Variants in PDZD2 observed in about 807,000 individuals in gnomAD.
PDZD2 encodes the protein PDZ domain-containing protein 2.
Under a neutral mutation model 220.7 loss-of-function variants are expected in PDZD2, and 90 were observed. The ratio of observed to expected loss-of-function variants is 0.41; its 90% CI spans 0.34 to 0.49. The LOEUF is 0.49. Ranked by LOEUF, PDZD2 falls within the 20% of genes least tolerant of loss-of-function variation. The pLI is 0.28. For missense variants in PDZD2, 3,174 were observed against 3,608.5 expected (o/e 0.88, Z 3.08); for synonymous variants, 1,375 against 1,450.5 (o/e 0.95, Z 1.18).
intron 1 of PDZD2, chr5:31,744,040 T>C (rs1469244040): frequency 6.6e-6 from 1 of 152,236 alleles, no homozygotes; most frequent in African/African-American, 2.4e-5. Context: ...TTCTTACTAA[T>C]GTGGTAAGAG....
intron 1 of PDZD2, chr5:31,725,960 A>G (rs1337915058): frequency 1.2e-5 from 7 of 605,650 alleles, no homozygotes; most frequent in South Asian, 1.1e-4. Flanking sequence ...TGCGTAACAG[A>G]TGATGAAATA....
At chr5:31,954,996 T>C (rs150987059) in intron 2 of PDZD2, among the ~76,000 whole-genome samples, 2 of 151,924 alleles carry the variant, frequency 1.3e-5, no homozygotes, top group Non-Finnish European at 2.9e-5. Context: ...CCAAATTGAG[T>C]GTAATCATAT....
intron 1 of PDZD2, among the ~76,000 whole-genome samples, chr5:31,643,200 T>G (rs752063894): frequency 6.6e-6 from 1 of 152,126 alleles, no homozygotes; most frequent in Non-Finnish European, 1.5e-5. Context: ...CTCACCAAAG[T>G]CAGTGAGAGC....
chr5:31,766,639 G>A (rs530594810), intron 1 of PDZD2, among the ~76,000 whole-genome samples: 3 of 152,204 alleles, frequency 2.0e-5, no homozygotes, highest in South Asian at 4.2e-4. Context: ...ACATCTGCCC[G>A]CCTCAGCCTC....
In PDZD2 at chr5:32,019,845, G is replaced by A. The variant is rs546451872; in HGVS notation, c.1407+9363G>A. 4.6e-5 allele frequency among the ~76,000 whole-genome samples: 7 copies of A among 152,210 alleles called. No homozygotes were observed. In the South Asian group the frequency reaches 1.5e-3, roughly 32 times the overall value. ...TATGAACATAATATGTAGAAGTCAT[G>A]TAATGACTTTCTCACGGGAGGTAAG... is the stretch of plus-strand genomic sequence containing the variant. On this transcript the variant is annotated intron_variant, in intron 6 of 24. Transcript: ENST00000438447.
rs1047962467 is a variant in PDZD2 at position 32,000,915 on chromosome 5, G to GGT, written c.1254+646_1254+647dup. On this transcript the variant is annotated intron_variant, in intron 5 of 24. Transcript: ENST00000438447. This position sits in a 1 kb window ranked among gnomAD's most constrained non-coding sequence, Gnocchi z 4.5. The stretch of plus-strand genomic sequence containing the variant: ...TTAGGAGCTGGGCTGCGCAGCAGTA[G>GGT]GTGAGTGGCCTGTGAGACAGCGTTA... 1.3e-5 allele frequency among the ~76,000 whole-genome samples: 2 copies of GGT among 152,226 alleles called. No individual in the cohort carries two copies. Among genetic ancestry groups the GGT allele is most frequent in the African/African-American group, 4.8e-5 (2 of 41,454 alleles).
chr5:31,695,263 G>C (rs1440966846), intron 1 of PDZD2, among the ~76,000 whole-genome samples: 4 of 152,166 alleles, frequency 2.6e-5, no homozygotes, highest in African/African-American at 9.7e-5. Flanking sequence ...GTTCCTGGGT[G>C]CCCCCGGCTC....
At chr5:31,789,903 A>G (rs13158673) in intron 1 of PDZD2, among the ~76,000 whole-genome samples, 1 of 152,124 alleles carries the variant, frequency 6.6e-6, no homozygotes, top group African/African-American at 2.4e-5. Flanking sequence ...GGGCAACAAG[A>G]GCGAAACTCC....
Position 31,698,370 on chromosome 5 carries a change from C to T in PDZD2, c.-361+58933C>T, listed in dbSNP as rs1455578465. 7.4e-4 allele frequency among the ~76,000 whole-genome samples: 111 copies of T among 149,376 alleles called. 1 individual carries two copies. The highest frequency in any genetic ancestry group is 2.5e-3 in the African/African-American group (102 of 40,916). ...CAGCACTTTGGGAGGCCGAGGTGGGCGGATCACGAGGTCAAGAGATCAAGA... is the reference window on the plus strand; with the variant it reads ...CAGCACTTTGGGAGGCCGAGGTGGGTGGATCACGAGGTCAAGAGATCAAGA... On this transcript the variant is annotated intron_variant, in intron 1 of 24. Coordinates refer to ENST00000438447, the MANE Select transcript of PDZD2 (RefSeq NM_178140.4).
intron 1 of PDZD2, chr5:31,725,499 C>T (rs1749070865): frequency 2.4e-6 from 3 of 1,245,634 alleles, no homozygotes; most frequent in South Asian, 1.8e-5. Context: ...ATGAATGATC[C>T]ATGTCTAAAA....
intron 1 of PDZD2, among the ~76,000 whole-genome samples, chr5:31,649,086 C>G (rs887802036): frequency 6.6e-6 from 1 of 152,056 alleles, no homozygotes; most frequent in Non-Finnish European, 1.5e-5. Flanking sequence ...CTGTGTCGTG[C>G]AGGCTGGTCT....
At chr5:32,025,127 T>A (rs1754530619) in intron 6 of PDZD2, among the ~76,000 whole-genome samples, 1 of 152,062 alleles carries the variant, frequency 6.6e-6, no homozygotes, top group Non-Finnish European at 1.5e-5. Context: ...TCAACACTAT[T>A]CCTAGAAAGA....
At chr5:31,717,819 C>T (rs1293628891) in intron 1 of PDZD2, among the ~76,000 whole-genome samples, 6 of 152,162 alleles carry the variant, frequency 3.9e-5, no homozygotes, top group South Asian at 4.1e-4. Context: ...GGAGCCCTTC[C>T]GGGGGCTTTG....
intron 1 of PDZD2, among the ~76,000 whole-genome samples, chr5:31,790,055 G>A (rs1021123105): frequency 1.3e-5 from 2 of 152,178 alleles, no homozygotes; most frequent in Non-Finnish European, 2.9e-5. Flanking sequence ...CTGGTGGAAG[G>A]AACTCCTTGT....
intron 1 of PDZD2, among the ~76,000 whole-genome samples, chr5:31,655,293 C>T (rs1745504779): frequency 6.6e-6 from 1 of 152,182 alleles, no homozygotes; most frequent in Non-Finnish European, 1.5e-5. Flanking sequence ...CTGCCTCAGC[C>T]TCCTGAGTAG....
chr5:31,821,418 G>A (rs1755850653), intron 2 of PDZD2, among the ~76,000 whole-genome samples: 1 of 149,874 alleles, frequency 6.7e-6, no homozygotes. Context: ...GTCTCACTCT[G>A]TCGCAAGGCT....
intron 1 of PDZD2, among the ~76,000 whole-genome samples, chr5:31,760,953 C>CA (rs1751606024): frequency 6.6e-6 from 1 of 151,966 alleles, no homozygotes; most frequent in African/African-American, 2.4e-5. Flanking sequence ...AATAAGCAAA[C>CA]ATTTGTTGAG....
rs138726119 is a variant in PDZD2, at chr5:31,942,744, C to T, written c.477-40411C>T. 2.5e-3 allele frequency among the ~76,000 whole-genome samples: 383 copies of T among 152,322 alleles called. 2 individuals are homozygous for T. The highest frequency in any genetic ancestry group is 8.7e-3 in the African/African-American group (363 of 41,560). On this transcript the variant is annotated intron_variant, in intron 2 of 24. Transcript: ENST00000438447. ...TGGTTTGTTTTTGTTAGAGAAATGC[C>T]TCATGGTGTCGTGACTACTTTTCGG... is the stretch of plus-strand genomic sequence containing the variant.
chr5:31,967,929 G>C (rs1748905887), intron 2 of PDZD2, among the ~76,000 whole-genome samples: 1 of 152,192 alleles, frequency 6.6e-6, no homozygotes, highest in Non-Finnish European at 1.5e-5. Context: ...CAAATACATA[G>C]AGAAAGTAAA....
Sources: allele counts gnomAD v4.1 joint callset (sites outside exome capture counted in the v4.1 genomes callset), GRCh38; gene constraint gnomAD v4.1.1; non-coding constraint Gnocchi (gnomAD v3.1); transcripts MANE v1.5; gene names NCBI Gene and HGNC (gene_info 2026-07-23, HGNC 2026-07-21).